MAP3K11: variants seen among roughly 807,000 people sequenced by gnomAD.
MAP3K11 encodes the protein mitogen-activated protein kinase kinase kinase 11, also known as SH3 domain-containing proline-rich kinase.
In MAP3K11, 46 loss-of-function variants were observed where a neutral mutation model predicts 84.9. That is an observed-to-expected ratio of 0.54 (90% CI 0.43 to 0.69). The LOEUF is 0.69. MAP3K11 is among the 30% of genes least tolerant of loss of function. The probability of loss-of-function intolerance (pLI) is 0.00; values close to 1 mark genes in which losing one functional copy is unlikely to be tolerated. For synonymous variants in MAP3K11, 527 were observed against 514.7 expected (o/e 1.02, Z -0.32); for missense variants, 1,053 against 1,198.3 (o/e 0.88, Z 1.79).
intron 1 of MAP3K11, chr11:65,610,834 T>C (rs1418151244): frequency 6.6e-6 from 1 of 152,334 alleles, no homozygotes; most frequent in Non-Finnish European, 1.5e-5. Flanking sequence ...GACTTCTTTG[T>C]ACTTGTGGTC....
chr11:65,606,697 T>C lies in MAP3K11; in HGVS notation c.1597A>G (p.Ile533Val), dbSNP rs942825847. 6.3e-7 allele frequency: 1 copy of C among 1,595,526 alleles called. No individual in the cohort carries two copies. The highest frequency in any genetic ancestry group is 1.4e-5 in the African/African-American group (1 of 73,670). The change falls in exon 6 of 10, where the codon ATC becomes GTC. Residue 533 changes from isoleucine to valine, a missense_variant. Around this residue, in one of 3 missense-constraint regions of MAP3K11, gnomAD observed 583 missense variants for 566.6 expected, o/e 1.03. Transcript: ENST00000309100. ...DSPTFPRFRA[I>V]QLEPAEPGQA... is the part of the protein sequence containing the mutation. ...GAGAGGTGAAGTTTCTTACACTGGATGGCTCGGAACCGGGGAAAGGTGGGC... is the reference window on the plus strand; with the variant it reads ...GAGAGGTGAAGTTTCTTACACTGGACGGCTCGGAACCGGGGAAAGGTGGGC...
chr11:65,603,536 T>C (rs1854476858), intron 8 of MAP3K11, among the ~76,000 whole-genome samples: 1 of 152,246 alleles, frequency 6.6e-6, no homozygotes, highest in Non-Finnish European at 1.5e-5. Context: ...TGAGGGTGTG[T>C]GTGACTCTCC....
Position 65,607,446 on chromosome 11 carries a change from A to G in MAP3K11, c.1313T>C (p.Leu438Pro). The G allele has an allele frequency of 6.5e-7, 1 of 1,527,148 alleles. No individual in the cohort carries two copies. Among genetic ancestry groups the G allele is most frequent in the Non-Finnish European group, 8.7e-7 (1 of 1,147,452 alleles). 94.6% of individuals were successfully genotyped at this position (1,527,148 alleles called of 1,614,324 possible). A position where few individuals can be genotyped will look rare whatever the true frequency, so the allele number is the denominator to read the frequency against. Residue 438 changes from leucine to proline, a missense_variant, in exon 5 of 10, where the codon CTG (leucine) becomes CCG (proline). Leu to Pro is a moderately conservative substitution (Grantham distance 98). Transcript: ENST00000309100. ...AREQRSQAEQ[L>P]RRREHLLAQW... ...GGCCAGCAGGTGCTCGCGCCGCCGC[A>G]GCTGCTCCGCCTGTGACCGCTGCTC...
At chr11:65,606,567 G>A (rs1034854362) in intron 6 of MAP3K11, 124 bp downstream of exon 6, 2 of 677,094 alleles carry the variant, frequency 3.0e-6, no homozygotes, top group Non-Finnish European at 5.0e-6. Context: ...CTAGACCTAA[G>A]GCAGGGAGCC....
At position 65,614,216 on chromosome 11, in the gene MAP3K11, T is replaced by G; in HGVS notation, c.-460A>C. 6.1e-6 allele frequency: 1 copy of G among 162,824 alleles called. No homozygotes were observed. Among genetic ancestry groups the G allele is most frequent in the Non-Finnish European group, 1.3e-5 (1 of 74,872 alleles). 10.1% of individuals were successfully genotyped at this position (162,824 alleles called of 1,614,324 possible). A position where few individuals can be genotyped will look rare whatever the true frequency, so the allele number is the denominator to read the frequency against. On this transcript the variant is annotated 5_prime_UTR_variant, in exon 1 of 10. Coordinates refer to ENST00000309100, the MANE Select transcript of MAP3K11 (RefSeq NM_002419.4). ...CCCCGTCTCCTTTGGCCCCGACGGCTCCGACCCCGCTCCCTTCTTCCTCCT... is the reference window on the plus strand; with the variant it reads ...CCCCGTCTCCTTTGGCCCCGACGGCGCCGACCCCGCTCCCTTCTTCCTCCT...
Position 65,599,764 on chromosome 11 carries a change from G to A in MAP3K11, c.1836C>T (p.Asn612=), listed in dbSNP as rs781769081. 5.6e-6 allele frequency: 9 copies of A among 1,593,718 alleles called. No individual in the cohort carries two copies. Among genetic ancestry groups the A allele is most frequent in the South Asian group, 5.6e-5 (5 of 89,826 alleles). ...SPSTPPALNG[N]PPRPSLEPEE... is the part of the protein sequence containing the mutation. ...CGGGCTCCAGGCTAGGCCGCGGGGG[G>A]TTACCTGCGGGCAGAGGCGGCACAG... Residue 612 remains asparagine (N), a synonymous_variant, in exon 9 of 10, where the codon AAC becomes AAT. Coordinates refer to ENST00000309100, the MANE Select transcript of MAP3K11 (RefSeq NM_002419.4).
In MAP3K11 at chr11:65,607,835, G is replaced by C. The variant is rs753934548; in HGVS notation, c.1070-19C>G. The stretch of plus-strand genomic sequence containing the variant: ...CAGCAGTCTAGGGGCACGGCGTGCA[G>C]CGGGGACAGAATAAGAAGGGGTCCG... On this transcript the variant is annotated intron_variant, in intron 3 of 9. Coordinates refer to ENST00000309100, the MANE Select transcript of MAP3K11 (RefSeq NM_002419.4). The C allele has an allele frequency of 1.9e-6, 3 of 1,607,752 alleles. No individual in the cohort carries two copies. The African/African-American group carries it at 4.0e-5, about 21-fold the overall frequency.
chr11:65,613,598 C>A lies in MAP3K11; in HGVS notation c.159G>T (p.Glu53Asp), dbSNP rs896569864. The A allele has an allele frequency of 7.4e-6, 12 of 1,613,050 alleles. No homozygotes were observed. In the Admixed American group the frequency reaches 8.3e-5, roughly 11 times the overall value. ...NPVWTALFDY[E>D]PSGQDELALR... ...GGGCCAGCTCATCCTGCCCACTGGG[C>A]TCGTAGTCGAACAGGGCTGTCCACA... The change falls in exon 1 of 10, where the codon GAG (glutamate) becomes GAT (aspartate). Residue 53 changes from glutamate to aspartate, a missense_variant. This residue lies in a region of MAP3K11 where 160 missense variants were observed against 167.3 expected (regional missense o/e 0.96). Transcript: ENST00000309100.
At chr11:65,599,798 G>C in intron 8 of MAP3K11, 30 bp from the exon 9 acceptor site, 1 of 1,584,266 alleles carries the variant, frequency 6.3e-7, no homozygotes, top group East Asian at 2.3e-5. Flanking sequence ...AGGTGAGGGT[G>C]TGGCTGGTGC....
chr11:65,599,892 C>T (rs1854437596), intron 8 of MAP3K11, 124 bp from the exon 9 acceptor site: 2 of 1,047,856 alleles, frequency 1.9e-6, no homozygotes, highest in Admixed American at 2.7e-5. Flanking sequence ...TTCCCTGGTC[C>T]CACAGGTCCC....
At position 65,607,957 on chromosome 11, in the gene MAP3K11, G is replaced by C. The variant is rs1201694600; in HGVS notation, c.1034C>G (p.Ser345Cys). Residue 345 changes from serine to cysteine, a missense_variant, in exon 3 of 10, where the codon TCC (serine) becomes TGC (cysteine). Coordinates refer to ENST00000309100, the MANE Select transcript of MAP3K11 (RefSeq NM_002419.4). ...CTGTGCGAAGGGCTCGGGGCAGGTG[G>C]ATGGGATGGGCAGTGTGAGCTTGTT... ...AVNKLTLPIP[S>C]TCPEPFAQLM... The C allele has an allele frequency of 6.2e-7, 1 of 1,614,052 alleles. No individual in the cohort carries two copies. Among genetic ancestry groups the C allele is most frequent in the Non-Finnish European group, 8.5e-7 (1 of 1,180,024 alleles).
rs570554901 is a variant in MAP3K11, at chr11:65,607,334, G to C, written c.1425C>G (p.Arg475=). ...DRERPHVRRR[R]GTFKRSKLRA... ...GGAGCTTGCTGCGCTTGAATGTCCCGCGGCGGCGGCGCACGTGCGGTCGCT... is the reference window on the plus strand; with the variant it reads ...GGAGCTTGCTGCGCTTGAATGTCCCCCGGCGGCGGCGCACGTGCGGTCGCT... Residue 475 remains arginine (R), a synonymous_variant, in exon 5 of 10, where the codon CGC becomes CGG. Coordinates refer to ENST00000309100, the MANE Select transcript of MAP3K11 (RefSeq NM_002419.4). The C allele has an allele frequency of 6.6e-7, 1 of 1,507,360 alleles. No homozygotes were observed. Among genetic ancestry groups the C allele is most frequent in the Non-Finnish European group, 8.8e-7 (1 of 1,137,100 alleles). 93.4% of individuals were successfully genotyped at this position (1,507,360 alleles called of 1,614,324 possible).
intron 8 of MAP3K11, among the ~76,000 whole-genome samples, chr11:65,601,693 T>C (rs1854457417): frequency 1.3e-5 from 2 of 151,630 alleles, no homozygotes; most frequent in Non-Finnish European, 2.9e-5. Flanking sequence ...GAGGCGGAGC[T>C]TGCAGTGAGC....
chr11:65,599,810 T>C, intron 8 of MAP3K11, 42 bp from the exon 9 acceptor site: 1 of 1,573,848 alleles, frequency 6.4e-7, no homozygotes, highest in Non-Finnish European at 8.6e-7. Context: ...GGCTGGTGCA[T>C]ATTCCGGGTG....
In MAP3K11 at chr11:65,608,145, A is replaced by G; in HGVS notation, c.921-75T>C. ...CCCCCTTACTGCCACTTCACCCAAAAGCAACTAGGAGCCAAGTGGTTTGGG... is the reference window on the plus strand; with the variant it reads ...CCCCCTTACTGCCACTTCACCCAAAGGCAACTAGGAGCCAAGTGGTTTGGG... On this transcript the variant is annotated intron_variant, in intron 2 of 9. Coordinates refer to ENST00000309100, the MANE Select transcript of MAP3K11 (RefSeq NM_002419.4). 5 of 1,598,156 alleles carry G rather than the reference A, an allele frequency of 3.1e-6. No homozygotes were observed. In the South Asian group the frequency reaches 5.5e-5, roughly 18 times the overall value.
Position 65,613,935 on chromosome 11 carries a change from G to C in MAP3K11, c.-179C>G. The C allele has an allele frequency of 1.3e-6, 1 of 778,064 alleles. No homozygotes were observed. Among genetic ancestry groups the C allele is most frequent in the Non-Finnish European group, 2.0e-6 (1 of 508,152 alleles). The allele number at this position is 778,064 out of a possible 1,614,324, so 48.2% of individuals were successfully genotyped here. ...TTGTCTCCCGGCCCCCCGCATCTCG[G>C]GCTTCTGGAGGAGGGCACCCAGGGC... is the stretch of plus-strand genomic sequence containing the variant. On this transcript the variant is annotated 5_prime_UTR_variant, in exon 1 of 10. Transcript: ENST00000309100.
rs1203126571 is a variant in MAP3K11, at chr11:65,613,635, T to C, written c.122A>G (p.Tyr41Cys). The C allele has an allele frequency of 1.2e-6, 2 of 1,612,936 alleles. No individual in the cohort carries two copies. Among genetic ancestry groups the C allele is most frequent in the Admixed American group, 3.3e-5 (2 of 60,020 alleles). The change falls in exon 1 of 10, where the codon TAT (tyrosine) becomes TGT (cysteine). Residue 41 changes from tyrosine (Y) to cysteine (C), a missense_variant. Tyr to Cys is a radical substitution (Grantham distance 194). This residue lies in a region of MAP3K11 where 160 missense variants were observed against 167.3 expected (regional missense o/e 0.96). Coordinates refer to ENST00000309100, the MANE Select transcript of MAP3K11 (RefSeq NM_002419.4). ...RPEGSPKAAGYANPVWTALFD... is the reference protein window; with the variant it reads ...RPEGSPKAAGCANPVWTALFD... Reference sequence around the variant, plus strand: ...CAGGGCTGTCCACACCGGGTTGGCATAACCCGCTGCCTTTGGAGACCCCTC... The same window carrying C: ...CAGGGCTGTCCACACCGGGTTGGCACAACCCGCTGCCTTTGGAGACCCCTC...
chr11:65,601,985 C>G lies in MAP3K11; in HGVS notation c.1832-2217G>C, dbSNP rs189877999. Reference sequence around the variant, plus strand: ...TTGGGAGGCCAAGGTGGGCGGATCACGAGGTCAAGAAATCGAGACCATCCT... The same window carrying G: ...TTGGGAGGCCAAGGTGGGCGGATCAGGAGGTCAAGAAATCGAGACCATCCT... On this transcript the variant is annotated intron_variant, in intron 8 of 9. Transcript: ENST00000309100. Among the ~76,000 whole-genome samples, 8 of 151,734 alleles carry G rather than the reference C, an allele frequency of 5.3e-5. No individual in the cohort carries two copies. In the East Asian group the frequency reaches 1.6e-3, roughly 30 times the overall value.
intron 8 of MAP3K11, 195 bp downstream of exon 8, chr11:65,605,566 G>A (rs941765486): frequency 1.9e-5 from 10 of 526,616 alleles, no homozygotes; most frequent in East Asian, 3.5e-5. Context: ...GCTGTATGCC[G>A]CTTGATCGTG....
Sources: allele counts gnomAD v4.1 joint callset (sites outside exome capture counted in the v4.1 genomes callset), GRCh38; gene constraint gnomAD v4.1.1; regional missense constraint gnomAD v4.1.1; transcripts MANE v1.5; gene names NCBI Gene and HGNC (gene_info 2026-07-23, HGNC 2026-07-21).